The following PTPRD variants were observed in gnomAD, a reference collection of about 807,000 sequenced individuals.
PTPRD encodes receptor-type tyrosine-protein phosphatase delta.
Under a neutral mutation model 214.5 loss-of-function variants are expected in PTPRD, and 34 were observed. The ratio of observed to expected loss-of-function variants is 0.16; its 90% CI spans 0.12 to 0.21. PTPRD has a LOEUF of 0.21. PTPRD is among the 10% of genes least tolerant of loss of function. The probability of loss-of-function intolerance (pLI) is 1.00; values close to 1 mark genes in which losing one functional copy is unlikely to be tolerated. For synonymous variants in PTPRD, 1,128 were observed against 845.7 expected (o/e 1.33, Z -5.79); for missense variants, 2,545 against 2,398.7 (o/e 1.06, Z -1.27).
At chr9:9,550,200 A>G (rs991815196) in intron 8 of PTPRD, among the ~76,000 whole-genome samples, 2 of 151,868 alleles carry the variant, frequency 1.3e-5, no homozygotes, top group Non-Finnish European at 2.9e-5. Context: ...TGTAGCATAG[A>G]AATTCTGCCT....
intron 8 of PTPRD, among the ~76,000 whole-genome samples, chr9:9,497,347 A>C (rs1288395820): frequency 1.3e-5 from 2 of 152,156 alleles, no homozygotes; most frequent in Non-Finnish European, 2.9e-5. Context: ...CAATCTATCA[A>C]ATTTCTTCTC....
At chr9:9,286,923 T>G in intron 9 of PTPRD, among the ~76,000 whole-genome samples, 1 of 72,806 alleles carries the variant, frequency 1.4e-5, no homozygotes, top group Non-Finnish European at 2.6e-5. Flanking sequence ...TATATATATA[T>G]ATATATATAT....
intron 8 of PTPRD, among the ~76,000 whole-genome samples, chr9:9,518,173 G>A (rs899643963): frequency 1.3e-5 from 2 of 151,980 alleles, no homozygotes; most frequent in African/African-American, 4.8e-5. Context: ...AGCAAATTAG[G>A]TGGTAAATTC....
chr9:10,000,959 T>A (rs1049352131), intron 4 of PTPRD, among the ~76,000 whole-genome samples: 1 of 152,210 alleles, frequency 6.6e-6, no homozygotes, highest in African/African-American at 2.4e-5. Flanking sequence ...CTGGGCCGTA[T>A]GCAAATCAGA....
chr9:8,869,206 A>G (rs79699848), intron 11 of PTPRD, among the ~76,000 whole-genome samples: 1,537 of 152,312 alleles, frequency 0.01, 29 homozygotes, highest in African/African-American at 0.035. Context: ...CTTCTGAGAG[A>G]GAAAGATATT....
intron 9 of PTPRD, among the ~76,000 whole-genome samples, chr9:9,355,838 G>T (rs188716423): frequency 5.3e-5 from 8 of 151,586 alleles, no homozygotes; most frequent in Non-Finnish European, 3.0e-5. Context: ...GGTGAAAAAT[G>T]AGTAAAGGAA....
At chr9:9,835,601 C>T (rs1002822801) in intron 5 of PTPRD, among the ~76,000 whole-genome samples, 6 of 152,090 alleles carry the variant, frequency 3.9e-5, no homozygotes, top group African/African-American at 1.4e-4. Context: ...CTTCTTTTGA[C>T]AAATAGCTCT....
At chr9:10,518,283 G>A (rs2050796321) in intron 2 of PTPRD, among the ~76,000 whole-genome samples, 1 of 152,018 alleles carries the variant, frequency 6.6e-6, no homozygotes, top group South Asian at 2.1e-4. Flanking sequence ...ATTTCATTAG[G>A]GAAGCTGAAG....
chr9:9,011,687 T>A (rs770381297), intron 11 of PTPRD, among the ~76,000 whole-genome samples: 5 of 152,182 alleles, frequency 3.3e-5, no homozygotes, highest in Non-Finnish European at 4.4e-5. Context: ...CTCTACACCC[T>A]ACAGCTCTTT....
chr9:10,105,534 G>C (rs1288578553), intron 3 of PTPRD, among the ~76,000 whole-genome samples: 1 of 151,734 alleles, frequency 6.6e-6, no homozygotes, highest in Non-Finnish European at 1.5e-5. Context: ...CCTTATCTGT[G>C]AGATGAAGCA....
intron 8 of PTPRD, among the ~76,000 whole-genome samples, 163 bp downstream of exon 8, chr9:9,574,569 G>C (rs1338241231): frequency 6.6e-6 from 1 of 151,612 alleles, no homozygotes; most frequent in Non-Finnish European, 1.5e-5. Flanking sequence ...ATCTATCCAA[G>C]AACATAAACA....
chr9:8,568,013 A>C (rs889031781), intron 14 of PTPRD, among the ~76,000 whole-genome samples: 1 of 152,172 alleles, frequency 6.6e-6, no homozygotes, highest in Non-Finnish European at 1.5e-5. Context: ...ACTGGCTGTC[A>C]ACCATTTTTA....
intron 10 of PTPRD, among the ~76,000 whole-genome samples, chr9:9,068,864 C>T (rs1264065612): frequency 6.6e-6 from 1 of 152,064 alleles, no homozygotes; most frequent in African/African-American, 2.4e-5. Flanking sequence ...CCCTCCTTGA[C>T]CCCCCAAAGT....
At chr9:9,221,940 A>C (rs1249334617) in intron 9 of PTPRD, among the ~76,000 whole-genome samples, 2 of 152,074 alleles carry the variant, frequency 1.3e-5, no homozygotes, top group Non-Finnish European at 2.9e-5. Context: ...ACTGAGTCAC[A>C]ATCTGCATTT....
intron 11 of PTPRD, among the ~76,000 whole-genome samples, chr9:9,014,905 G>T (rs2099528043): frequency 6.6e-6 from 1 of 151,892 alleles, no homozygotes. Flanking sequence ...TCATTGAAAA[G>T]GGATAAAAGA....
At chr9:8,882,723 A>T (rs1300085780) in intron 11 of PTPRD, among the ~76,000 whole-genome samples, 4 of 151,910 alleles carry the variant, frequency 2.6e-5, no homozygotes, top group Non-Finnish European at 5.9e-5. Flanking sequence ...CGCCTCTACT[A>T]AAAATATAAA....
intron 9 of PTPRD, among the ~76,000 whole-genome samples, chr9:9,195,220 G>C (rs945780430): frequency 6.6e-6 from 1 of 151,322 alleles, no homozygotes; most frequent in Non-Finnish European, 1.5e-5. Context: ...CATACATCTT[G>C]GATAAAAAAA....
chr9:8,669,713 A>T lies in PTPRD; in HGVS notation c.65-32869T>A, dbSNP rs148976703. ...AGAGAAATAGGTTTGTCCAAGAACC[A>T]AGTGAGTGATAATCCAGGAAAAGTA... On this transcript the variant is annotated intron_variant, in intron 12 of 45. Transcript: ENST00000381196. Among the ~76,000 whole-genome samples, 374 of 152,328 alleles carry T rather than the reference A, an allele frequency of 2.5e-3. 1 individual carries two copies. The highest frequency in any genetic ancestry group is 8.5e-3 in the African/African-American group (355 of 41,572).
At chr9:9,517,782 A>G (rs1175774156) in intron 8 of PTPRD, among the ~76,000 whole-genome samples, 1 of 152,066 alleles carries the variant, frequency 6.6e-6, no homozygotes, top group Non-Finnish European at 1.5e-5. Flanking sequence ...ACAAATTTTA[A>G]CACATATGAC....
Sources: gnomAD v4.1 joint callset for allele counts (sites outside exome capture counted in the v4.1 genomes callset) on GRCh38, gnomAD v4.1.1 for gene constraint, MANE v1.5 for transcripts, NCBI Gene and HGNC (gene_info 2026-07-23, HGNC 2026-07-21) for gene names.